Variants in WAS observed in about 807,000 individuals in gnomAD.
WAS encodes WASP actin nucleation promoting factor.
A neutral mutation model predicts 38.9 loss-of-function variants in WAS; 1 was observed. The ratio of observed to expected loss-of-function variants is 0.03; its 90% confidence interval spans 0.01 to 0.12. WAS has a LOEUF of 0.12. Among genes scored for constraint, WAS ranks in the 10% least tolerant of loss-of-function variants. The probability of loss-of-function intolerance (pLI) is 1.00; values close to 1 mark genes in which losing one functional copy is unlikely to be tolerated. For synonymous variants in WAS, 182 were observed against 173.6 expected (o/e 1.05, Z -0.38); for missense variants, 311 against 431.2 (o/e 0.72, Z 2.47).
chrX:48,684,515 C>G, intron 2 of WAS, 92 bp downstream of exon 2: 1 of 1,058,282 alleles, frequency 9.4e-7, no homozygotes, highest in Non-Finnish European at 1.3e-6. Context: ...TTCAAGACCT[C>G]AGACCTGATC....
intron 11 of WAS, among the ~76,000 whole-genome samples, chrX:48,689,746 G>A (rs1318037015): frequency 9.0e-6 from 1 of 110,741 alleles, no homozygotes; most frequent in African/African-American, 3.3e-5. Flanking sequence ...TGTAATCCAG[G>A]AACTTTGGGA....
chrX:48,684,557 C>A, intron 2 of WAS, 134 bp downstream of exon 2: 1 of 863,910 alleles, frequency 1.2e-6, no homozygotes, highest in South Asian at 2.4e-5. Context: ...ACCAAAGACT[C>A]ATCCAGATGG....
In WAS at chrX:48,684,265, C is replaced by T. The variant is rs782578064; in HGVS notation, c.133-18C>T. 32 of 1,209,633 alleles carry T rather than the reference C, an allele frequency of 2.6e-5. No homozygotes were observed. In the South Asian group the frequency reaches 5.6e-4, roughly 21 times the overall value. Reference sequence around the variant, plus strand: ...TACCCCTGACCAGACTCCACTGACCCCTGCTTTCCTCTCCCAGACGCTGGC... The same window carrying T: ...TACCCCTGACCAGACTCCACTGACCTCTGCTTTCCTCTCCCAGACGCTGGC... On this transcript the variant is annotated intron_variant, in intron 1 of 11. Coordinates refer to ENST00000376701, the MANE Select transcript of WAS (RefSeq NM_000377.3).
At chrX:48,690,801 A>G (rs1197734646) in intron 11 of WAS, among the ~76,000 whole-genome samples, 1 of 111,675 alleles carries the variant, frequency 9.0e-6, no homozygotes, top group Admixed American at 9.5e-5. Context: ...ACCAGACAGG[A>G]AGCAATAATA....
At position 48,687,980 on chromosome X, in the gene WAS, G is replaced by A. The variant is rs1386460038; in HGVS notation, c.735-74G>A. ...TCAGAGTCTCTTTGGGCAGGAGAGGGCAAGAGGGTTTCACTATGAAGGGAG... is the reference window on the plus strand; with the variant it reads ...TCAGAGTCTCTTTGGGCAGGAGAGGACAAGAGGGTTTCACTATGAAGGGAG... On this transcript the variant is annotated intron_variant, in intron 7 of 11. Coordinates refer to ENST00000376701, the MANE Select transcript of WAS (RefSeq NM_000377.3). The A allele has an allele frequency of 4.6e-6, 5 of 1,088,820 alleles. No homozygotes were observed. The African/African-American group carries it at 7.4e-5, about 16-fold the overall frequency. The allele number at this position is 1,088,820 out of a possible 1,213,427, so 89.7% of individuals were successfully genotyped here. A position where few individuals can be genotyped will look rare whatever the true frequency, so the allele number is the denominator to read the frequency against.
upstream of WAS, among the ~76,000 whole-genome samples, chrX:48,679,479 T>G (rs944125093): frequency 8.9e-5 from 10 of 112,118 alleles, no homozygotes; most frequent in African/African-American, 2.6e-4. Context: ...AAATGTTAAT[T>G]TATAAAACAA....
upstream of WAS, chrX:48,683,781 T>A: frequency 1.0e-5 from 12 of 1,179,000 alleles, no homozygotes; most frequent in Non-Finnish European, 1.3e-5. Context: ...GTTCCCTTGC[T>A]GCTCATTGCG....
chrX:48,687,195 C>T (rs782501696), intron 7 of WAS, among the ~76,000 whole-genome samples: 2 of 111,691 alleles, frequency 1.8e-5, no homozygotes, highest in Admixed American at 9.4e-5. Flanking sequence ...TAATTCCTGA[C>T]TCTCAGAGTG....
upstream of WAS, among the ~76,000 whole-genome samples, chrX:48,682,875 CA>C (rs782487210): frequency 3.9e-5 from 4 of 101,525 alleles, no homozygotes; most frequent in Non-Finnish European, 8.0e-5. Flanking sequence ...AGCCTGGCGA[CA>C]GAGTGAGACT....
At chrX:48,689,202 G>A (rs781988138) in intron 10 of WAS, 118 bp from the exon 11 acceptor site, 415 of 947,511 alleles carry the variant, frequency 4.4e-4, no homozygotes, top group Non-Finnish European at 5.7e-4. Context: ...TTGAAAGGTT[G>A]GTGGGAAGCC....
intron 7 of WAS, among the ~76,000 whole-genome samples, chrX:48,687,604 T>C (rs1208553669): frequency 9.1e-6 from 1 of 110,017 alleles, no homozygotes; most frequent in Non-Finnish European, 1.9e-5. Flanking sequence ...GTTCAATGGA[T>C]AAGTGAACAG....
At chrX:48,682,901 A>T (rs2062405784), upstream of WAS, among the ~76,000 whole-genome samples, 1 of 108,569 alleles carries the variant, frequency 9.2e-6, no homozygotes, top group African/African-American at 3.4e-5. Flanking sequence ...CTCAAAAAAA[A>T]AAAGAAAAAA....
chrX:48,680,594 T>C (rs1181907476), upstream of WAS, among the ~76,000 whole-genome samples: 2 of 111,547 alleles, frequency 1.8e-5, no homozygotes, highest in Non-Finnish European at 3.8e-5. Context: ...CTAATTATGA[T>C]GCACTAGCAT....
chrX:48,678,867 C>T (rs1396572791), upstream of WAS, among the ~76,000 whole-genome samples: 5 of 110,357 alleles, frequency 4.5e-5, no homozygotes, highest in Non-Finnish European at 9.5e-5. Flanking sequence ...TACATATAAA[C>T]GTAATAAACC....
At position 48,688,369 on chromosome X, in the gene WAS, G is replaced by A. The variant is rs1557007032; in HGVS notation, c.847G>A (p.Asp283Asn). Residue 283 changes from aspartate to asparagine, a missense_variant, in exon 9 of 12, where the codon GAC becomes AAC. Coordinates refer to ENST00000376701, the MANE Select transcript of WAS (RefSeq NM_000377.3). Reference sequence around the variant, plus strand: ...AGGAATCAGCGAGGCCCAGCTCACCGACGCCGAGACCTCTAAACTTATCTA... The same window carrying A: ...AGGAATCAGCGAGGCCCAGCTCACCAACGCCGAGACCTCTAAACTTATCTA... ...RAGISEAQLT[D>N]AETSKLIYDF... The A allele has an allele frequency of 8.3e-7, 1 of 1,210,041 alleles. No homozygotes were observed. Among genetic ancestry groups the A allele is most frequent in the Non-Finnish European group, 1.1e-6 (1 of 894,795 alleles).
At chrX:48,685,663 C>T in intron 3 of WAS, 30 bp downstream of exon 3, 1 of 1,177,585 alleles carries the variant, frequency 8.5e-7, no homozygotes, top group East Asian at 3.2e-5. Context: ...TCGGGCCTCA[C>T]TTGGGGTGTG....
rs180955938 is a variant in WAS, at chrX:48,677,422, G to C, written c.-131+674G>C. The stretch of plus-strand genomic sequence containing the variant: ...CAGCTATTTCATAGAAACGGCAACA[G>C]TAATGAATAATTATAACACGTGCCA... On this transcript the variant is annotated intron_variant, in intron 1 of 8. Coordinates refer to the WAS transcript ENST00000450772. Among the ~76,000 whole-genome samples the C allele has an allele frequency of 4.5e-5, 5 of 111,897 alleles. No homozygotes were observed. The East Asian group carries it at 1.4e-3, about 31-fold the overall frequency.
intron 7 of WAS, among the ~76,000 whole-genome samples, 190 bp from the exon 8 acceptor site, chrX:48,687,864 A>G (rs2062425215): frequency 8.9e-6 from 1 of 111,969 alleles, no homozygotes; most frequent in Admixed American, 9.4e-5. Context: ...GGGTGGATGG[A>G]TCAGCACCAC....
upstream of WAS, among the ~76,000 whole-genome samples, chrX:48,683,600 AG>A (rs2062409021): frequency 9.0e-6 from 1 of 111,099 alleles, no homozygotes; most frequent in Admixed American, 9.6e-5. Flanking sequence ...AGAGTAAGAA[AG>A]GGGGAGGAGG....
Sources: allele counts gnomAD v4.1 joint callset (sites outside exome capture counted in the v4.1 genomes callset), GRCh38; gene constraint gnomAD v4.1.1; transcripts MANE v1.5; gene names NCBI Gene and HGNC (gene_info 2026-07-23, HGNC 2026-07-21).